The following KLF12 variants were observed in gnomAD, a reference collection of about 807,000 sequenced individuals.
KLF12 encodes the protein KLF transcription factor 12.
In KLF12, 9 loss-of-function variants were observed where a neutral mutation model predicts 37.8. The observed-to-expected ratio is 0.24, with a 90% CI of 0.14 to 0.42. The LOEUF is 0.42. Ranked by LOEUF, KLF12 falls within the 10% of genes least tolerant of loss-of-function variation. The pLI is 1.00. For missense variants in KLF12, 411 were observed against 516.0 expected, an observed-to-expected ratio of 0.80 and a Z score of 1.97; for synonymous variants, 208 against 202.1, an observed-to-expected ratio of 1.03 and a Z score of -0.25.
At chr13:73,874,919 A>G (rs1886632512) in intron 3 of KLF12, among the ~76,000 whole-genome samples, 1 of 152,154 alleles carries the variant, frequency 6.6e-6, no homozygotes, top group Non-Finnish European at 1.5e-5. Context: ...CAAAGTTTCA[A>G]AGATCTACAG....
the KLF12 span, chr13:74,258,973 C>T: frequency 6.6e-6 from 1 of 152,232 alleles, no homozygotes; most frequent in African/African-American, 2.4e-5. Flanking sequence ...TAGAACATGC[C>T]CCAGAGTTGT....
At chr13:74,111,728 G>A (rs78948150) in intron 1 of KLF12, among the ~76,000 whole-genome samples, 7 of 147,984 alleles carry the variant, frequency 4.7e-5, no homozygotes, top group Admixed American at 2.7e-4. Context: ...GGGGAAAAAA[G>A]GTCTTTTAAA....
intron 4 of KLF12, among the ~76,000 whole-genome samples, chr13:73,831,917 G>A (rs1884183152): frequency 6.6e-6 from 1 of 152,186 alleles, no homozygotes; most frequent in Non-Finnish European, 1.5e-5. Context: ...GGGAACCCAA[G>A]TTATAAAAAT....
At chr13:73,894,981 C>T (rs576918313) in intron 3 of KLF12, among the ~76,000 whole-genome samples, 8 of 152,224 alleles carry the variant, frequency 5.3e-5, no homozygotes, top group East Asian at 3.9e-4. Flanking sequence ...CTTAATCCTC[C>T]TATATTTCTT....
At chr13:74,058,850 G>A (rs141016081) in intron 1 of KLF12, among the ~76,000 whole-genome samples, 6 of 152,132 alleles carry the variant, frequency 3.9e-5, no homozygotes, top group African/African-American at 9.6e-5. Context: ...ACTGTTACAC[G>A]GATATATTGC....
rs577962739 is a variant in KLF12 at position 74,070,461 on chromosome 13, T to A, written c.-32+63278A>T. ...GGCCAAAGAGGGCAAGAGTCTTTTC[T>A]AGAGGATGAAAACAGAGGAATATGG... is the stretch of plus-strand genomic sequence containing the variant. On this transcript the variant is annotated intron_variant, in intron 1 of 7. Transcript: ENST00000377669. Among the ~76,000 whole-genome samples, 4 of 152,296 alleles carry A rather than the reference T, an allele frequency of 2.6e-5. No individual in the cohort carries two copies. The South Asian group carries it at 8.3e-4, about 32-fold the overall frequency.
intron 7 of KLF12, among the ~76,000 whole-genome samples, chr13:73,698,796 G>T (rs1874331799): frequency 6.6e-6 from 1 of 152,110 alleles, no homozygotes; most frequent in African/African-American, 2.4e-5. Context: ...TATGGAAGGG[G>T]TTTGCCAACC....
intron 6 of KLF12, among the ~76,000 whole-genome samples, chr13:73,721,451 G>A (rs1441317476): frequency 1.3e-5 from 2 of 152,108 alleles, no homozygotes; most frequent in Non-Finnish European, 2.9e-5. Flanking sequence ...ACTTTTCTCT[G>A]GAGAATTTTA....
chr13:74,255,365 T>C, the KLF12 span, among the ~76,000 whole-genome samples: 3 of 152,220 alleles, frequency 2.0e-5, no homozygotes, highest in Non-Finnish European at 4.4e-5. Context: ...TGAAGAAATA[T>C]AACATCATTG....
intron 1 of KLF12, among the ~76,000 whole-genome samples, chr13:74,033,193 A>G (rs1486203558): frequency 1.3e-5 from 2 of 152,260 alleles, no homozygotes; most frequent in Admixed American, 1.3e-4. Flanking sequence ...AGAAAAGTAC[A>G]GGCTAAAACT....
At chr13:74,042,705 TCAG>T (rs1423658242) in intron 1 of KLF12, among the ~76,000 whole-genome samples, 5 of 152,184 alleles carry the variant, frequency 3.3e-5, no homozygotes, top group Non-Finnish European at 7.3e-5. Flanking sequence ...ATAAAATAAT[TCAG>T]CAGGTCTTCA....
chr13:73,766,317 G>A (rs1879913941), intron 5 of KLF12, among the ~76,000 whole-genome samples: 1 of 152,180 alleles, frequency 6.6e-6, no homozygotes, highest in Non-Finnish European at 1.5e-5. Flanking sequence ...CAGCCAAACT[G>A]GGGCCTAGTG....
At chr13:74,237,218 T>C in the KLF12 span, among the ~76,000 whole-genome samples, 1 of 129,342 alleles carries the variant, frequency 7.7e-6, no homozygotes, top group Non-Finnish European at 1.5e-5. Flanking sequence ...CCATTGCTTG[T>C]TTTTCTGAGG....
intron 1 of KLF12, among the ~76,000 whole-genome samples, chr13:74,089,803 G>GAA (rs35244601): frequency 1.1e-4 from 13 of 117,776 alleles, no homozygotes; most frequent in Admixed American, 8.1e-4. Flanking sequence ...CATGCAGGGG[G>GAA]AAAAAAAAAA....
the KLF12 span, among the ~76,000 whole-genome samples, chr13:74,273,860 C>T: frequency 6.6e-6 from 1 of 151,976 alleles, no homozygotes; most frequent in East Asian, 1.9e-4. Flanking sequence ...ACTGAGAAAC[C>T]TATTTCATTT....
the KLF12 span, among the ~76,000 whole-genome samples, chr13:74,214,853 G>A: frequency 6.6e-5 from 10 of 152,062 alleles, 1 homozygote; most frequent in South Asian, 2.1e-3. Flanking sequence ...GGAGTGCAGT[G>A]GCAGGATCTC....
chr13:73,995,524 T>A (rs1228814771), intron 1 of KLF12, among the ~76,000 whole-genome samples: 3 of 152,224 alleles, frequency 2.0e-5, no homozygotes, highest in Non-Finnish European at 2.9e-5. Flanking sequence ...GGGAAATGAT[T>A]GTTTCTTTAC....
At chr13:73,866,626 A>G (rs1323295544) in intron 3 of KLF12, among the ~76,000 whole-genome samples, 1 of 152,188 alleles carries the variant, frequency 6.6e-6, no homozygotes, top group Non-Finnish European at 1.5e-5. Context: ...TCAAAAATGA[A>G]GACAAAATAC....
At chr13:73,972,679 C>T (rs1251578779) in intron 2 of KLF12, among the ~76,000 whole-genome samples, 1 of 149,314 alleles carries the variant, frequency 6.7e-6, no homozygotes, top group Non-Finnish European at 1.5e-5. Flanking sequence ...AAATAACCGG[C>T]AGATCGATAC....
Sources: gnomAD v4.1 joint callset for allele counts (sites outside exome capture counted in the v4.1 genomes callset) on GRCh38, gnomAD v4.1.1 for gene constraint, MANE v1.5 for transcripts, NCBI Gene and HGNC (gene_info 2026-07-23, HGNC 2026-07-21) for gene names.